Variants in SLC8B1 observed in about 807,000 individuals in gnomAD.
SLC8B1 encodes mitochondrial sodium/calcium exchanger protein.
Under a neutral mutation model 63.4 loss-of-function variants are expected in SLC8B1, and 52 were observed. That is an observed-to-expected ratio of 0.82 (90% CI 0.66 to 1.03). The LOEUF is 1.03. SLC8B1 is among the 50% of genes least tolerant of loss of function. The probability of loss-of-function intolerance (pLI) is 0.00; values close to 1 mark genes in which losing one functional copy is unlikely to be tolerated. For synonymous variants in SLC8B1, 336 were observed against 323.9 expected (o/e 1.04, Z -0.40); for missense variants, 657 against 741.7 (o/e 0.89, Z 1.33).
intron 15 of SLC8B1, among the ~76,000 whole-genome samples, chr12:113,300,441 C>G (rs1199396296): frequency 6.6e-6 from 1 of 152,172 alleles, no homozygotes; most frequent in African/African-American, 2.4e-5. Flanking sequence ...CGACATCGTG[C>G]TACTGCACTC....
chr12:113,320,268 C>T lies in SLC8B1; in HGVS notation c.694+63G>A, dbSNP rs1956902156. On this transcript the variant is annotated intron_variant, in intron 7 of 15. Coordinates refer to ENST00000680972, the MANE Select transcript of SLC8B1 (RefSeq NM_001358345.2). The surrounding 1 kb of genome is among the most constrained non-coding windows in gnomAD (Gnocchi z 5.3). ...ACCCCTCACACCTCTCTGTCCCAGGCACCTCCTAAACCTCCTGCCCATCAG... is the reference window on the plus strand; with the variant it reads ...ACCCCTCACACCTCTCTGTCCCAGGTACCTCCTAAACCTCCTGCCCATCAG... The T allele has an allele frequency of 1.3e-6, 2 of 1,565,610 alleles. No individual in the cohort carries two copies. The highest frequency in any genetic ancestry group is 2.7e-5 in the African/African-American group (2 of 73,574).
At position 113,299,618 on chromosome 12, in the gene SLC8B1, T is replaced by A. The variant is rs1593231556; in HGVS notation, c.*159A>T. 1.5e-6 allele frequency: 1 copy of A among 684,600 alleles called. No individual in the cohort carries two copies. The highest frequency in any genetic ancestry group is 2.7e-5 in the East Asian group (1 of 36,626). The allele number at this position is 684,600 out of a possible 1,614,324, so 42.4% of individuals were successfully genotyped here. A position where few individuals can be genotyped will look rare whatever the true frequency, so the allele number is the denominator to read the frequency against. On this transcript the variant is annotated 3_prime_UTR_variant, in exon 16 of 16. Coordinates refer to ENST00000680972, the MANE Select transcript of SLC8B1 (RefSeq NM_001358345.2). The stretch of plus-strand genomic sequence containing the variant: ...GCTGGCAGCAAGAGGTACACAGCAG[T>A]TCTCCCAGCTCACAGCAGTGACCTC...
intron 8 of SLC8B1, among the ~76,000 whole-genome samples, chr12:113,318,098 G>C (rs545013824): frequency 3.3e-5 from 5 of 152,108 alleles, no homozygotes; most frequent in African/African-American, 1.2e-4. Context: ...GTATGTGTGC[G>C]CATGTTTGTA....
chr12:113,318,236 G>C (rs911178722), intron 8 of SLC8B1, among the ~76,000 whole-genome samples: 1 of 141,186 alleles, frequency 7.1e-6, no homozygotes, highest in Non-Finnish European at 1.5e-5. Context: ...GTACACATTT[G>C]TGTGTGTGTT....
At chr12:113,333,801 C>T (rs908642839) in intron 1 of SLC8B1, among the ~76,000 whole-genome samples, 1 of 152,180 alleles carries the variant, frequency 6.6e-6, no homozygotes, top group Non-Finnish European at 1.5e-5. Flanking sequence ...CTCTGCCTCC[C>T]GGGTTCAAGT....
Position 113,305,748 on chromosome 12 carries a change from G to A in SLC8B1, c.1492+747C>T, listed in dbSNP as rs976187247. ...TGAGTAGCTGCAAAACCGCCTGCAT[G>A]GCCCCCAAAGTCTAAAATATTTATT... On this transcript the variant is annotated intron_variant, in intron 14 of 15. Transcript: ENST00000680972. This position sits in a 1 kb window ranked among gnomAD's most constrained non-coding sequence, Gnocchi z 4.3. Among the ~76,000 whole-genome samples the A allele has an allele frequency of 2.0e-5, 3 of 152,162 alleles. No individual in the cohort carries two copies. Among genetic ancestry groups the A allele is most frequent in the African/African-American group, 7.2e-5 (3 of 41,436 alleles).
At chr12:113,325,396 G>C (rs1956984161) in intron 2 of SLC8B1, among the ~76,000 whole-genome samples, 1 of 152,088 alleles carries the variant, frequency 6.6e-6, no homozygotes. Context: ...TGGGACTACA[G>C]GCATGCACCA....
chr12:113,300,433 A>C (rs1394995594), intron 15 of SLC8B1, among the ~76,000 whole-genome samples: 1 of 152,200 alleles, frequency 6.6e-6, no homozygotes, highest in African/African-American at 2.4e-5. Flanking sequence ...CAGTAAGCCG[A>C]CATCGTGCTA....
chr12:113,316,469 T>G (rs1034877881), intron 10 of SLC8B1, 57 bp downstream of exon 10: 4 of 1,588,938 alleles, frequency 2.5e-6, no homozygotes, highest in Non-Finnish European at 3.4e-6. Flanking sequence ...GAGGGTAGCG[T>G]GGCCACTGTC....
intron 2 of SLC8B1, among the ~76,000 whole-genome samples, chr12:113,325,779 G>T (rs1304200875): frequency 6.6e-6 from 1 of 151,788 alleles, no homozygotes; most frequent in Non-Finnish European, 1.5e-5. Context: ...TAGCCAGGAT[G>T]ATCTCGATCT....
At chr12:113,329,722 G>T (rs1442619652) in intron 2 of SLC8B1, among the ~76,000 whole-genome samples, 2 of 152,134 alleles carry the variant, frequency 1.3e-5, no homozygotes, top group Non-Finnish European at 2.9e-5. Flanking sequence ...ACCCAAAGAG[G>T]TGCACACAGA....
At position 113,320,314 on chromosome 12, in the gene SLC8B1, GCCC is replaced by G. The variant is rs1956903083; in HGVS notation, c.694+14_694+16del. The G allele has an allele frequency of 3.7e-6, 6 of 1,612,936 alleles. No homozygotes were observed. The highest frequency in any genetic ancestry group is 1.3e-5 in the African/African-American group (1 of 74,870). On this transcript the variant is annotated intron_variant, in intron 7 of 15. Coordinates refer to ENST00000680972, the MANE Select transcript of SLC8B1 (RefSeq NM_001358345.2). The surrounding 1 kb of genome is among the most constrained non-coding windows in gnomAD (Gnocchi z 5.3). ...ATCAGCCCTGGGATCTCACGCCTGA[GCCC>G]CAGAGCTGCTCACCCAGAGCCCATG... is the stretch of plus-strand genomic sequence containing the variant.
chr12:113,320,482 A>G lies in SLC8B1; in HGVS notation c.543T>C (p.Val181=). The stretch of plus-strand genomic sequence containing the variant: ...TAATGCCTCCGGCCACCACTGTGGT[A>G]ACCAGCACGCCAGCGCCTGGGGGGA... The part of the protein sequence containing the change: ...LGALFGAGVL[V]TTVVAGGITI... Residue 181 remains valine, a synonymous_variant, in exon 7 of 16, where the codon GTT becomes GTC. Coordinates refer to ENST00000680972, the MANE Select transcript of SLC8B1 (RefSeq NM_001358345.2). The surrounding 1 kb of genome is among the most constrained non-coding windows in gnomAD (Gnocchi z 5.3). 2 of 1,614,104 alleles carry G rather than the reference A, an allele frequency of 1.2e-6. No individual in the cohort carries two copies. The highest frequency in any genetic ancestry group is 1.3e-5 in the African/African-American group (1 of 75,046).
At chr12:113,328,142 C>T (rs1957018049) in intron 2 of SLC8B1, among the ~76,000 whole-genome samples, 2 of 152,112 alleles carry the variant, frequency 1.3e-5, no homozygotes, top group Non-Finnish European at 2.9e-5. Flanking sequence ...AAGCAGTCTC[C>T]TACCTCAGCC....
At chr12:113,307,176 C>A (rs1331057321) in intron 13 of SLC8B1, among the ~76,000 whole-genome samples, 2 of 130,752 alleles carry the variant, frequency 1.5e-5, no homozygotes, top group African/African-American at 2.8e-5. Flanking sequence ...TTTTCAAAGT[C>A]TCATCTGCTG....
chr12:113,315,314 C>A (rs1956819002), intron 11 of SLC8B1, 21 bp downstream of exon 11: 2 of 1,499,816 alleles, frequency 1.3e-6, no homozygotes, highest in Non-Finnish European at 1.8e-6. Context: ...GGTGGGTTGG[C>A]CCGGGGTAGG....
chr12:113,316,909 G>T (rs766788388), intron 9 of SLC8B1, 33 bp downstream of exon 9: 2 of 1,605,620 alleles, frequency 1.2e-6, no homozygotes, highest in Non-Finnish European at 1.7e-6. Flanking sequence ...CCCTGTTACC[G>T]CCACCCTGGC....
Position 113,332,836 on chromosome 12 carries a change from G to C in SLC8B1, c.43C>G (p.Leu15Val), listed in dbSNP as rs968074686. 6.2e-7 allele frequency: 1 copy of C among 1,614,080 alleles called. No individual in the cohort carries two copies. The highest frequency in any genetic ancestry group is 8.5e-7 in the Non-Finnish European group (1 of 1,180,044). ...RLNLRWALSVLCVLLMAETVS... is the reference protein window; with the variant it reads ...RLNLRWALSVVCVLLMAETVS... ...GTCTCCGCCATTAGCAGCACACAAAGCACACTCAGTGCCCAGCGCAGATTC... is the reference window on the plus strand; with the variant it reads ...GTCTCCGCCATTAGCAGCACACAAACCACACTCAGTGCCCAGCGCAGATTC... The change falls in exon 2 of 16, where the codon CTT becomes GTT. Residue 15 changes from leucine to valine, a missense_variant. Leu to Val is a conservative substitution (Grantham distance 32, BLOSUM62 1). Transcript: ENST00000680972.
chr12:113,313,897 CTA>C (rs1219867572), intron 11 of SLC8B1, among the ~76,000 whole-genome samples: 2 of 152,106 alleles, frequency 1.3e-5, no homozygotes, highest in Non-Finnish European at 2.9e-5. Flanking sequence ...GTAATCCCAG[CTA>C]CTCGGGAGGC....
Sources: gnomAD v4.1 joint callset for allele counts (sites outside exome capture counted in the v4.1 genomes callset) on GRCh38, gnomAD v4.1.1 for gene constraint, Gnocchi (gnomAD v3.1) non-coding constraint, MANE v1.5 for transcripts, NCBI Gene and HGNC (gene_info 2026-07-23, HGNC 2026-07-21) for gene names.